TMCO5A: variants seen among roughly 807,000 people sequenced by gnomAD.
The protein encoded by TMCO5A is transmembrane and coiled-coil domains 5A.
In TMCO5A, 34 loss-of-function variants were observed where a neutral mutation model predicts 42.3. The observed-to-expected ratio is 0.80, with a 90% confidence interval of 0.61 to 1.07. The LOEUF is 1.07. Among genes scored for constraint, TMCO5A ranks in the 50% least tolerant of loss-of-function variants. TMCO5A has a pLI of 0.00. For missense variants in TMCO5A, 357 were observed against 327.9 expected, an observed-to-expected ratio of 1.09 and a Z score of -0.69; for synonymous variants, 131 against 115.6, an observed-to-expected ratio of 1.13 and a Z score of -0.86.
At chr15:37,968,822 C>T (rs1486614356), downstream of TMCO5A, among the ~76,000 whole-genome samples, 1 of 152,084 alleles carries the variant, frequency 6.6e-6, no homozygotes. Context: ...ACCTCGTGAT[C>T]TGCCCACCTC....
At chr15:37,995,253 T>G in the TMCO5A span, among the ~76,000 whole-genome samples, 1 of 152,158 alleles carries the variant, frequency 6.6e-6, no homozygotes, top group Non-Finnish European at 1.5e-5. Context: ...CTTTCTCCTG[T>G]CTTTGCCACC....
the TMCO5A span, among the ~76,000 whole-genome samples, chr15:38,025,196 T>C: frequency 6.1e-5 from 8 of 130,598 alleles, no homozygotes; most frequent in Admixed American, 6.5e-4. Flanking sequence ...TGTGTGTGTG[T>C]GTGTGGAAGC....
At chr15:37,945,853 G>A (rs992538259) in intron 10 of TMCO5A, among the ~76,000 whole-genome samples, 10 of 151,992 alleles carry the variant, frequency 6.6e-5, no homozygotes, top group South Asian at 2.1e-4. Context: ...TTATTTTCCC[G>A]TGCAGAAGCT....
downstream of TMCO5A, among the ~76,000 whole-genome samples, chr15:37,970,132 G>A (rs770047334): frequency 6.6e-6 from 1 of 152,140 alleles, no homozygotes; most frequent in African/African-American, 2.4e-5. Context: ...CTAATTTACA[G>A]TCTGTATTAT....
intron 5 of TMCO5A, 114 bp downstream of exon 5, chr15:37,937,510 G>A (rs1889563007): frequency 1.9e-6 from 2 of 1,076,174 alleles, no homozygotes; most frequent in East Asian, 2.4e-5. Context: ...AGGCCTGTAT[G>A]TGGAGTGCAT....
the TMCO5A span, among the ~76,000 whole-genome samples, chr15:38,021,289 T>C: frequency 2.0e-5 from 3 of 152,230 alleles, no homozygotes; most frequent in African/African-American, 7.2e-5. Flanking sequence ...TAAACCACTA[T>C]AACAAATGAG....
chr15:38,022,978 T>A, the TMCO5A span, among the ~76,000 whole-genome samples: 1 of 152,156 alleles, frequency 6.6e-6, no homozygotes. Flanking sequence ...TTGTATAAAA[T>A]AACCAATTCA....
downstream of TMCO5A, among the ~76,000 whole-genome samples, chr15:37,970,536 T>G (rs1202417917): frequency 6.6e-6 from 1 of 152,198 alleles, no homozygotes. Flanking sequence ...CAATCATGCC[T>G]TTCCTACAGT....
In TMCO5A at chr15:37,936,477, T is replaced by A; in HGVS notation, c.140+14T>A. On this transcript the variant is annotated intron_variant, in intron 3 of 11. Coordinates refer to ENST00000319669, the MANE Select transcript of TMCO5A (RefSeq NM_152453.4). ...TAAGATTCAGAGGTGAGTATTAAGG[T>A]TTCATGAGGGAAGTTCCCAATCCAA... 6.2e-7 allele frequency: 1 copy of A among 1,601,180 alleles called. No homozygotes were observed. Among genetic ancestry groups the A allele is most frequent in the Non-Finnish European group, 8.5e-7 (1 of 1,176,214 alleles).
chr15:37,955,255 TAA>T (rs55989832), downstream of TMCO5A, among the ~76,000 whole-genome samples: 259 of 106,240 alleles, frequency 2.4e-3, 1 homozygote, highest in South Asian at 4.7e-3. Flanking sequence ...ATTTAAAGAG[TAA>T]AAAAAAAAAA....
At chr15:37,979,669 T>G in the TMCO5A span, among the ~76,000 whole-genome samples, 2 of 152,004 alleles carry the variant, frequency 1.3e-5, no homozygotes, top group South Asian at 4.2e-4. Flanking sequence ...AAGGCAGCTG[T>G]GCTCGGTGGA....
the TMCO5A span, among the ~76,000 whole-genome samples, chr15:37,987,892 CA>C: frequency 4.6e-5 from 7 of 151,122 alleles, no homozygotes; most frequent in African/African-American, 1.5e-4. Flanking sequence ...TATTTCTGCC[CA>C]AAAAAAAGTC....
At chr15:37,942,316 A>G in intron 9 of TMCO5A, 61 bp downstream of exon 9, 1 of 1,527,668 alleles carries the variant, frequency 6.5e-7, no homozygotes, top group Non-Finnish European at 9.0e-7. Flanking sequence ...CCTGAGTCAG[A>G]GCAAACAGTT....
Position 37,951,177 on chromosome 15 carries a change from C to G in TMCO5A, c.810C>G (p.Leu270=). Residue 270 remains leucine, a synonymous_variant, in exon 12 of 12, where the codon CTC becomes CTG. Coordinates refer to ENST00000319669, the MANE Select transcript of TMCO5A (RefSeq NM_152453.4). ...KVLGRSTLWK[L]RCFFFPSLTL... is the part of the protein sequence containing the mutation. ...TGGGCAGGAGCACCTTGTGGAAGCT[C>G]AGATGCTTCTTCTTTCCATCTCTCA... The G allele has an allele frequency of 6.2e-7, 1 of 1,613,836 alleles. No homozygotes were observed. Among genetic ancestry groups the G allele is most frequent in the South Asian group, 1.1e-5 (1 of 91,062 alleles).
At chr15:37,971,228 T>C (rs960820379), downstream of TMCO5A, among the ~76,000 whole-genome samples, 2 of 152,220 alleles carry the variant, frequency 1.3e-5, no homozygotes, top group Non-Finnish European at 2.9e-5. Flanking sequence ...TCTGTGCACC[T>C]GTAGACTCAA....
the TMCO5A span, among the ~76,000 whole-genome samples, chr15:38,032,996 T>C: frequency 4.0e-3 from 599 of 150,846 alleles, 5 homozygotes; most frequent in Non-Finnish European, 6.0e-3. Flanking sequence ...GGCGCCATGT[T>C]GGCTCACTGC....
Position 37,966,342 on chromosome 15 carries a change from GATAACA to G in TMCO5A, c.669-280_669-275del, listed in dbSNP as rs1199141404. Among the ~76,000 whole-genome samples the G allele has an allele frequency of 6.6e-5, 10 of 151,916 alleles. No homozygotes were observed. The East Asian group carries it at 1.9e-3, about 29-fold the overall frequency. Reference sequence around the variant, plus strand: ...ATAGCAAAACAGGGTGACTATCATCGATAACAATTTAATTATACATTTTTGAATAAC... The same window carrying G: ...ATAGCAAAACAGGGTGACTATCATCGATTTAATTATACATTTTTGAATAAC... On this transcript the variant is annotated intron_variant, in intron 11 of 11. Coordinates refer to the TMCO5A transcript ENST00000559502.
chr15:37,943,135 A>G (rs1889810782), intron 9 of TMCO5A: 1 of 430,838 alleles, frequency 2.3e-6, no homozygotes, highest in Non-Finnish European at 4.1e-6. Flanking sequence ...AAAACTAACT[A>G]CATATGGCAA....
chr15:37,960,872 G>C (rs1200443618), intron 11 of TMCO5A, among the ~76,000 whole-genome samples: 1 of 151,992 alleles, frequency 6.6e-6, no homozygotes, highest in Non-Finnish European at 1.5e-5. Context: ...AATTTTTAAT[G>C]GGATTGTTTG....
Sources: allele counts gnomAD v4.1 joint callset (sites outside exome capture counted in the v4.1 genomes callset), GRCh38; gene constraint gnomAD v4.1.1; transcripts MANE v1.5; gene names NCBI Gene and HGNC (gene_info 2026-07-23, HGNC 2026-07-21).